Variants in MYH10 observed in about 807,000 individuals in gnomAD.
MYH10 encodes the protein myosin heavy chain 10.
Under a neutral mutation model 257.8 loss-of-function variants are expected in MYH10, and 55 were observed. The ratio of observed to expected loss-of-function variants is 0.21; its 90% confidence interval spans 0.17 to 0.27. MYH10 has a LOEUF of 0.27. Among genes scored for constraint, MYH10 ranks in the 10% least tolerant of loss-of-function variants. The pLI is 1.00. For missense variants in MYH10, 1,631 were observed against 2,500.6 expected (o/e 0.65, Z 7.42); for synonymous variants, 854 against 921.7 (o/e 0.93, Z 1.33).
intron 6 of MYH10, among the ~76,000 whole-genome samples, chr17:8,575,824 C>T (rs905296268): frequency 4.6e-5 from 7 of 152,088 alleles, no homozygotes; most frequent in Non-Finnish European, 8.8e-5. Context: ...TCAGGTCTGC[C>T]CTCCTTCTCC....
At chr17:8,518,088 C>A (rs938594065) in intron 21 of MYH10, among the ~76,000 whole-genome samples, 1 of 138,770 alleles carries the variant, frequency 7.2e-6, no homozygotes, top group African/African-American at 2.7e-5. Flanking sequence ...AGGCAGGACC[C>A]CATACCCCTT....
At chr17:8,484,956 G>C (rs1914507444) in intron 36 of MYH10, among the ~76,000 whole-genome samples, 1 of 152,066 alleles carries the variant, frequency 6.6e-6, no homozygotes, top group Non-Finnish European at 1.5e-5. Flanking sequence ...TTCTAGCCAG[G>C]GTAATTAATT....
At chr17:8,606,648 C>CT (rs746443340) in intron 2 of MYH10, among the ~76,000 whole-genome samples, 2 of 152,220 alleles carry the variant, frequency 1.3e-5, no homozygotes, top group Non-Finnish European at 2.9e-5. Flanking sequence ...TCAGAACTGT[C>CT]TCTCTGGCTG....
intron 1 of MYH10, among the ~76,000 whole-genome samples, chr17:8,629,999 C>T (rs1291825879): frequency 6.6e-6 from 1 of 152,010 alleles, no homozygotes; most frequent in Non-Finnish European, 1.5e-5. Flanking sequence ...TGTCCCTCCA[C>T]CCACGGGTCG....
At chr17:8,492,716 T>C in intron 33 of MYH10, 60 bp downstream of exon 33, 2 of 1,570,082 alleles carry the variant, frequency 1.3e-6, no homozygotes, top group South Asian at 1.2e-5. Context: ...AAGATTATTT[T>C]AAACCAAACG....
Position 8,493,406 on chromosome 17 carries a change from T to C in MYH10, c.4209+327A>G, listed in dbSNP as rs376275169. 1.6e-3 allele frequency among the ~76,000 whole-genome samples: 242 copies of C among 152,268 alleles called. 1 individual carries two copies. The Middle Eastern group carries it at 0.041, about 26-fold the overall frequency. On this transcript the variant is annotated intron_variant, in intron 32 of 42. Transcript: ENST00000360416. ...TTGAAGAAAAAAAAAACCTTTTGTT[T>C]TTAATATTTTGAGAGAAGAAAAATC...
chr17:8,506,594 A>G lies in MYH10; in HGVS notation c.3215-105T>C, dbSNP rs1289339811. The G allele has an allele frequency of 8.1e-7, 1 of 1,230,904 alleles. No individual in the cohort carries two copies. Among genetic ancestry groups the G allele is most frequent in the Non-Finnish European group, 1.1e-6 (1 of 869,708 alleles). The allele number at this position is 1,230,904 out of a possible 1,614,324, so 76.2% of individuals were successfully genotyped here. A position where few individuals can be genotyped will look rare whatever the true frequency, so the allele number is the denominator to read the frequency against. On this transcript the variant is annotated intron_variant, in intron 26 of 42. Coordinates refer to ENST00000360416, the MANE Select transcript of MYH10 (RefSeq NM_001256012.3). The surrounding 1 kb of genome is among the most constrained non-coding windows in gnomAD (Gnocchi z 5.0). Reference sequence around the variant, plus strand: ...AGTTGAAAATAAGCCATTTTATTCAAAAGCATGTCACTGCCCTGATGACAT... The same window carrying G: ...AGTTGAAAATAAGCCATTTTATTCAGAAGCATGTCACTGCCCTGATGACAT...
rs2081556093 is a variant in MYH10 at position 8,518,725 on chromosome 17, C to T, written c.2410G>A (p.Gly804Arg). 6.2e-7 allele frequency: 1 copy of T among 1,613,898 alleles called. No individual in the cohort carries two copies. Among genetic ancestry groups the T allele is most frequent in the African/African-American group, 1.3e-5 (1 of 74,902 alleles). ...TCTTCCTCTAAGTGTGCCAGAACTCCAGCTCTGAAAAATATCTTGCTCTGT... is the reference window on the plus strand; with the variant it reads ...TCTTCCTCTAAGTGTGCCAGAACTCTAGCTCTGAAAAATATCTTGCTCTGT... ...IGQSKIFFRA[G>R]VLAHLEEERD... The change falls in exon 21 of 43, where the codon GGA (glycine) becomes AGA (arginine). Residue 804 changes from glycine to arginine, a missense_variant. This residue lies in a region of MYH10 where 116 missense variants were observed against 221.6 expected (regional missense o/e 0.52). Coordinates refer to ENST00000360416, the MANE Select transcript of MYH10 (RefSeq NM_001256012.3).
chr17:8,485,750 A>T (rs1298132423), intron 36 of MYH10, among the ~76,000 whole-genome samples: 1 of 152,220 alleles, frequency 6.6e-6, no homozygotes, highest in African/African-American at 2.4e-5. Context: ...AACTGCAGTG[A>T]CTGTGGGAAA....
chr17:8,539,481 T>C (rs2082234542), intron 14 of MYH10, among the ~76,000 whole-genome samples: 1 of 152,226 alleles, frequency 6.6e-6, no homozygotes, highest in South Asian at 2.1e-4. Flanking sequence ...TGTTCTGTTT[T>C]CTGGCTTCAA....
intron 2 of MYH10, among the ~76,000 whole-genome samples, chr17:8,618,916 C>A (rs192631079): frequency 1.8e-4 from 28 of 152,284 alleles, no homozygotes; most frequent in Non-Finnish European, 3.4e-4. Context: ...CAAATACAGT[C>A]GGTTGTTTTC....
At chr17:8,521,331 G>A (rs770702692) in intron 17 of MYH10, 46 bp from the exon 18 acceptor site, 10 of 1,573,072 alleles carry the variant, frequency 6.4e-6, no homozygotes, top group African/African-American at 2.7e-5. Flanking sequence ...AACCTCACTC[G>A]TTAGCAGGGA....
In MYH10 at chr17:8,495,189, A is replaced by G; in HGVS notation, c.4004T>C (p.Ile1335Thr). The G allele has an allele frequency of 6.2e-7, 1 of 1,613,734 alleles. No individual in the cohort carries two copies. ...ACTAGCTGCATCCTTAGCAAATTTAATACCCTTCTTCTCTGCTTCTTCCAG... is the reference window on the plus strand; with the variant it reads ...ACTAGCTGCATCCTTAGCAAATTTAGTACCCTTCTTCTCTGCTTCTTCCAG... ...TLLEEAEKKG[I>T]KFAKDAASLE... is the part of the protein sequence containing the mutation. Residue 1335 changes from isoleucine to threonine, a missense_variant, in exon 31 of 43, where the codon ATT becomes ACT. By Grantham distance (89) the Ile-to-Thr change is moderately conservative. Transcript: ENST00000360416.
In MYH10 at chr17:8,489,475, G is replaced by A. The variant is rs551226578; in HGVS notation, c.4884+865C>T. On this transcript the variant is annotated intron_variant, in intron 35 of 42. Coordinates refer to ENST00000360416, the MANE Select transcript of MYH10 (RefSeq NM_001256012.3). ...TCCCAGCACTTTGGGAGGCCAAGGC[G>A]GGCAGATCACCTGAGTCCAGGAGTT... Among the ~76,000 whole-genome samples, 5 of 152,208 alleles carry A rather than the reference G, an allele frequency of 3.3e-5. No individual in the cohort carries two copies. The East Asian group carries it at 7.7e-4, about 24-fold the overall frequency.
At chr17:8,549,149 G>A (rs1033848568) in intron 9 of MYH10, among the ~76,000 whole-genome samples, 16 of 152,130 alleles carry the variant, frequency 1.1e-4, no homozygotes, top group African/African-American at 3.4e-4. Flanking sequence ...CTTTTTTGAA[G>A]GAAAGCTTTT....
At chr17:8,591,951 C>T (rs1368947268) in intron 3 of MYH10, among the ~76,000 whole-genome samples, 1 of 152,170 alleles carries the variant, frequency 6.6e-6, no homozygotes, top group African/African-American at 2.4e-5. Context: ...TTCACTGAAT[C>T]CTCTGTACCC....
intron 5 of MYH10, 109 bp from the exon 6 acceptor site, chr17:8,576,781 C>G: frequency 9.9e-7 from 1 of 1,009,938 alleles, no homozygotes; most frequent in Non-Finnish European, 1.5e-6. Context: ...ACTGTGGAAG[C>G]TGGGTTGGCT....
rs550306498 is a variant in MYH10, at chr17:8,494,401, T to C, written c.4057-516A>G. On this transcript the variant is annotated intron_variant, in intron 31 of 42. Coordinates refer to ENST00000360416, the MANE Select transcript of MYH10 (RefSeq NM_001256012.3). ...GCAAAGTCTTCAGAGGCATTGGTTG[T>C]GTGGAGCAGAATTTCTGGGCCATGG... Among the ~76,000 whole-genome samples the C allele has an allele frequency of 5.0e-4, 76 of 152,356 alleles. 1 individual carries two copies. The South Asian group carries it at 0.016, about 31-fold the overall frequency.
In MYH10 at chr17:8,476,925, C is replaced by T; in HGVS notation, c.5830G>A (p.Ala1944Thr). ...LQRELDDATE[A>T]NEGLSREVST... is the part of the protein sequence containing the mutation. The stretch of plus-strand genomic sequence containing the variant: ...ACCTCGCGGCTCAGGCCCTCGTTGG[C>T]CTCGGTGGCATCATCCAGTTCCCGC... Residue 1944 changes from alanine to threonine, a missense_variant, in exon 42 of 43, where the codon GCC becomes ACC. Transcript: ENST00000360416. The T allele has an allele frequency of 6.2e-7, 1 of 1,613,252 alleles. No individual in the cohort carries two copies. The highest frequency in any genetic ancestry group is 8.5e-7 in the Non-Finnish European group (1 of 1,180,026).
Sources: allele counts gnomAD v4.1 joint callset (sites outside exome capture counted in the v4.1 genomes callset), GRCh38; gene constraint gnomAD v4.1.1; regional missense constraint gnomAD v4.1.1; non-coding constraint Gnocchi (gnomAD v3.1); transcripts MANE v1.5; gene names NCBI Gene and HGNC (gene_info 2026-07-23, HGNC 2026-07-21).